The following SLFN12 variants were observed in gnomAD, a reference collection of about 807,000 sequenced individuals.
SLFN12 encodes the protein schlafen family member 12, also known as ribonuclease SLFN12.
Under a neutral mutation model 29.1 loss-of-function variants are expected in SLFN12, and 25 were observed. The ratio of observed to expected loss-of-function variants is 0.86; its 90% CI spans 0.63 to 1.20. SLFN12 has a LOEUF of 1.20. Among genes scored for constraint, SLFN12 ranks in the 50% most tolerant of loss-of-function variants. The pLI is 0.00. For synonymous variants in SLFN12, 257 were observed against 238.7 expected (o/e 1.08, Z -0.71); for missense variants, 660 against 666.2 (o/e 0.99, Z 0.10).
chr17:35,415,998 A>G (rs1567845078), intron 3 of SLFN12, among the ~76,000 whole-genome samples: 1 of 152,152 alleles, frequency 6.6e-6, no homozygotes, highest in African/African-American at 2.4e-5. Flanking sequence ...CAGCAATCCC[A>G]CTACTGGGTA....
chr17:35,423,110 A>G, intron 1 of SLFN12, 42 bp from the exon 2 acceptor site: 1 of 1,509,832 alleles, frequency 6.6e-7, no homozygotes, highest in Middle Eastern at 1.8e-4. Flanking sequence ...CCTGAACTAG[A>G]AAGATAGCAA....
At chr17:35,421,613 C>T (rs908121919) in intron 2 of SLFN12, among the ~76,000 whole-genome samples, 6 of 149,322 alleles carry the variant, frequency 4.0e-5, no homozygotes, top group Admixed American at 1.3e-4. Context: ...AATCTCCGCC[C>T]ACTGCAACCT....
intron 3 of SLFN12, among the ~76,000 whole-genome samples, chr17:35,418,993 G>A (rs1332392370): frequency 6.6e-6 from 1 of 151,984 alleles, no homozygotes; most frequent in Non-Finnish European, 1.5e-5. Flanking sequence ...TCAGTCTCCT[G>A]AGTAGCTGGG....
At chr17:35,423,301 T>C (rs1911816964) in intron 1 of SLFN12, among the ~76,000 whole-genome samples, 2 of 152,148 alleles carry the variant, frequency 1.3e-5, no homozygotes, top group Non-Finnish European at 2.9e-5. Context: ...TTATGTAATC[T>C]CTTTATCCGC....
intron 3 of SLFN12, among the ~76,000 whole-genome samples, chr17:35,413,783 A>G (rs369997594): frequency 6.6e-6 from 1 of 151,762 alleles, no homozygotes. Flanking sequence ...AAGATCATTC[A>G]TCATAATAAG....
chr17:35,420,587 A>C, intron 2 of SLFN12: 1 of 382,686 alleles, frequency 2.6e-6, no homozygotes, highest in Non-Finnish European at 4.6e-6. Flanking sequence ...ATTTCAAATG[A>C]AAATTAACAG....
chr17:35,422,560 A>G lies in SLFN12; in HGVS notation c.469T>C (p.Tyr157His). ...KDMKKTRGRLYLRPELLAKRP... is the reference protein window; with the variant it reads ...KDMKKTRGRLHLRPELLAKRP... ...TTTGCCAGCAATTCTGGTCTTAAAT[A>G]CAATCTCCCTCTAGTCTTTTTCATG... is the stretch of plus-strand genomic sequence containing the variant. Residue 157 changes from tyrosine to histidine, a missense_variant, in exon 2 of 4, where the codon TAT becomes CAT. Tyr to His is a moderately conservative substitution (Grantham distance 83, BLOSUM62 2). Coordinates refer to ENST00000304905, the MANE Select transcript of SLFN12 (RefSeq NM_018042.5). The G allele has an allele frequency of 6.2e-7, 1 of 1,614,110 alleles. No individual in the cohort carries two copies. Among genetic ancestry groups the G allele is most frequent in the Non-Finnish European group, 8.5e-7 (1 of 1,180,016 alleles).
intron 1 of SLFN12, among the ~76,000 whole-genome samples, chr17:35,428,700 T>C (rs1231106937): frequency 6.6e-6 from 1 of 152,086 alleles, no homozygotes; most frequent in East Asian, 1.9e-4. Flanking sequence ...CTCCTGGTAG[T>C]TGAACAAGAG....
At chr17:35,425,969 T>C (rs1349455110) in intron 1 of SLFN12, among the ~76,000 whole-genome samples, 2 of 151,264 alleles carry the variant, frequency 1.3e-5, no homozygotes, top group East Asian at 1.9e-4. Context: ...TTATCTCTTG[T>C]CTTTTTTATA....
intron 3 of SLFN12, among the ~76,000 whole-genome samples, chr17:35,416,325 A>T (rs1567845280): frequency 6.6e-6 from 1 of 152,102 alleles, no homozygotes; most frequent in Non-Finnish European, 1.5e-5. Context: ...ACTAAGAATG[A>T]TACAAAGGAC....
In SLFN12 at chr17:35,411,852, T is replaced by G; in HGVS notation, c.1223A>C (p.Gln408Pro). 6.2e-7 allele frequency: 1 copy of G among 1,613,982 alleles called. No individual in the cohort carries two copies. Among genetic ancestry groups the G allele is most frequent in the Non-Finnish European group, 8.5e-7 (1 of 1,179,970 alleles). Reference protein sequence around the residue: ...KLFLQHEGLKQLICEEMDSVR... With the variant: ...KLFLQHEGLKPLICEEMDSVR... ...AGAGTCCATTTCTTCACATATTAAT[T>G]GCTTAAGTCCTTCATGTTGTAAGAA... Residue 408 changes from glutamine to proline, a missense_variant, in exon 4 of 4, where the codon CAA becomes CCA. Coordinates refer to ENST00000304905, the MANE Select transcript of SLFN12 (RefSeq NM_018042.5).
At chr17:35,429,283 T>C (rs1279676372) in intron 1 of SLFN12, among the ~76,000 whole-genome samples, 1 of 152,000 alleles carries the variant, frequency 6.6e-6, no homozygotes, top group Non-Finnish European at 1.5e-5. Context: ...AGCCACCTTA[T>C]AGAGGACCCA....
intron 1 of SLFN12, among the ~76,000 whole-genome samples, chr17:35,424,534 T>C (rs1296066631): frequency 6.6e-6 from 1 of 152,132 alleles, no homozygotes; most frequent in African/African-American, 2.4e-5. Flanking sequence ...GAAGTGTAGG[T>C]TTTCCGAGTG....
chr17:35,422,911 G>A lies in SLFN12; in HGVS notation c.118C>T (p.Gln40Ter). 6.2e-7 allele frequency: 1 copy of A among 1,613,858 alleles called. No homozygotes were observed. Among genetic ancestry groups the A allele is most frequent in the Non-Finnish European group, 8.5e-7 (1 of 1,179,964 alleles). The stretch of plus-strand genomic sequence containing the variant: ...ATAGCTCGTGAGACACTTTCATTCT[G>A]CTTTTTTCTCAGTTTACAATCCTTC... ...KMKDCKLRKK[Q>*]NESVSRAMCA... Residue 40 changes from glutamine (Q) to a stop codon, truncating the protein, a stop_gained, in exon 2 of 4, where the codon CAG becomes TAG. Transcript: ENST00000304905. LOFTEE classifies it high-confidence loss of function.
chr17:35,414,484 C>A (rs1305440387), intron 3 of SLFN12, among the ~76,000 whole-genome samples: 1 of 152,014 alleles, frequency 6.6e-6, no homozygotes, highest in African/African-American at 2.4e-5. Context: ...GGAAAGATAG[C>A]TTGTGTTCAT....
intron 3 of SLFN12, among the ~76,000 whole-genome samples, chr17:35,415,736 A>G (rs1751281750): frequency 6.6e-6 from 1 of 152,166 alleles, no homozygotes; most frequent in Admixed American, 6.5e-5. Flanking sequence ...AAGATATACA[A>G]ATGGCCAATG....
chr17:35,411,638 C>T lies in SLFN12; in HGVS notation c.1437G>A (p.Gln479=). 4.3e-6 allele frequency: 7 copies of T among 1,614,072 alleles called. No homozygotes were observed. Among genetic ancestry groups the T allele is most frequent in the Non-Finnish European group, 5.9e-6 (7 of 1,179,998 alleles). The change falls in exon 4 of 4, where the codon CAG becomes CAA. Residue 479 remains glutamine, a synonymous_variant. Transcript: ENST00000304905. Reference sequence around the variant, plus strand: ...TGTAACCACCAATTTTTGCCAGCTTCTGCTTTAAGGTTAGGGCAGTTTGTG... The same window carrying T: ...TGTAACCACCAATTTTTGCCAGCTTTTGCTTTAAGGTTAGGGCAGTTTGTG... ...YSTQTALTLK[Q]KLAKIGGYTK... is the part of the protein sequence containing the mutation.
chr17:35,432,216 C>T lies in SLFN12; in HGVS notation c.-69G>A, dbSNP rs1365073698. On this transcript the variant is annotated 5_prime_UTR_variant, in exon 1 of 4. Transcript: ENST00000304905. ...CTGGTTGGCTTGCCAAAATATGTTACCAGTGAAGAGTGTCCAGGTTCTTGG... is the reference window on the plus strand; with the variant it reads ...CTGGTTGGCTTGCCAAAATATGTTATCAGTGAAGAGTGTCCAGGTTCTTGG... 6.6e-6 allele frequency: 1 copy of T among 152,184 alleles called. No individual in the cohort carries two copies. The highest frequency in any genetic ancestry group is 1.5e-5 in the Non-Finnish European group (1 of 68,068). 9.4% of individuals were successfully genotyped at this position (152,184 alleles called of 1,614,324 possible). A position where few individuals can be genotyped will look rare whatever the true frequency, so the allele number is the denominator to read the frequency against.
chr17:35,430,928 T>C, intron 1 of SLFN12, among the ~76,000 whole-genome samples: 1 of 152,174 alleles, frequency 6.6e-6, no homozygotes, highest in Non-Finnish European at 1.5e-5. Flanking sequence ...TTAAAGTCTG[T>C]TGTGTAACTA....
Sources: gnomAD v4.1 joint callset for allele counts (sites outside exome capture counted in the v4.1 genomes callset) on GRCh38, gnomAD v4.1.1 for gene constraint, MANE v1.5 for transcripts, NCBI Gene and HGNC (gene_info 2026-07-23, HGNC 2026-07-21) for gene names.